NUP62: variants seen among roughly 807,000 people sequenced by gnomAD.
The protein encoded by NUP62 is nucleoporin 62, also known as nuclear pore glycoprotein p62.
For missense variants in NUP62, 647 were observed against 689.4 expected (o/e 0.94, Z 0.69); for synonymous variants, 305 against 303.4 (o/e 1.01, Z -0.05).
At chr19:49,926,523 C>CTG (rs1568725531) in intron 2 of NUP62, among the ~76,000 whole-genome samples, 1 of 145,910 alleles carries the variant, frequency 6.9e-6, no homozygotes, top group African/African-American at 2.5e-5. Context: ...CAGCAAGACT[C>CTG]TGTCTCAAAA....
At chr19:49,915,877 G>T (rs749665815) in intron 2 of NUP62, among the ~76,000 whole-genome samples, 1 of 152,232 alleles carries the variant, frequency 6.6e-6, no homozygotes, top group Non-Finnish European at 1.5e-5. Flanking sequence ...ATGATGGGAG[G>T]GAAGGACAAG....
At chr19:49,919,053 T>C (rs2075699856) in intron 2 of NUP62, among the ~76,000 whole-genome samples, 1 of 152,104 alleles carries the variant, frequency 6.6e-6, no homozygotes, top group Non-Finnish European at 1.5e-5. Context: ...CTCGGGAGGC[T>C]GAGGCAGGAG....
Position 49,908,165 on chromosome 19 carries a change from C to A in NUP62, c.*74G>T. Reference sequence around the variant, plus strand: ...AACAAACAAGTATCTTGCCACAACCCCAAACTACAGACAACAGGGCGCATT... The same window carrying A: ...AACAAACAAGTATCTTGCCACAACCACAAACTACAGACAACAGGGCGCATT... On this transcript the variant is annotated 3_prime_UTR_variant, in exon 3 of 3. Transcript: ENST00000352066. The A allele has an allele frequency of 1.3e-6, 2 of 1,572,464 alleles. No individual in the cohort carries two copies.
chr19:49,912,283 C>T (rs1053582199), intron 2 of NUP62, among the ~76,000 whole-genome samples: 11 of 151,722 alleles, frequency 7.3e-5, no homozygotes, highest in African/African-American at 2.4e-4. Context: ...GATTCTCTCG[C>T]CTCAGCTTCC....
intron 2 of NUP62, among the ~76,000 whole-genome samples, chr19:49,912,730 G>A (rs993286794): frequency 3.9e-5 from 6 of 151,996 alleles, no homozygotes; most frequent in African/African-American, 1.2e-4. Context: ...GTTGGCCGTG[G>A]TGGCAGGCGC....
intron 2 of NUP62, among the ~76,000 whole-genome samples, chr19:49,916,736 C>T (rs2075634179): frequency 1.3e-5 from 2 of 151,716 alleles, no homozygotes; most frequent in Admixed American, 1.3e-4. Context: ...TGCACTCCAG[C>T]CTGGGAGACA....
chr19:49,916,918 C>G (rs2075639509), intron 2 of NUP62, among the ~76,000 whole-genome samples: 1 of 152,212 alleles, frequency 6.6e-6, no homozygotes, highest in South Asian at 2.1e-4. Flanking sequence ...GAGACCCCGT[C>G]TCAAACAAAT....
chr19:49,909,923 G>T, intron 2 of NUP62, 39 bp from the exon 3 acceptor site: 1 of 1,119,778 alleles, frequency 8.9e-7, no homozygotes, highest in Non-Finnish European at 1.3e-6. Context: ...TGGCAGTTTT[G>T]GAAAGGCAAG....
chr19:49,926,208 C>CA (rs33981121), intron 2 of NUP62, among the ~76,000 whole-genome samples: 8,976 of 42,282 alleles, frequency 0.21, 1,515 homozygotes, highest in East Asian at 0.5. Flanking sequence ...GACTCTGTCT[C>CA]AAAAAAAAAA....
intron 2 of NUP62, chr19:49,913,172 AG>A (rs1259212280): frequency 6.6e-6 from 1 of 152,450 alleles, no homozygotes; most frequent in Admixed American, 6.5e-5. Context: ...GTGTGAAGAC[AG>A]GGAGGCCCAC....
rs190270806 is a variant in NUP62 at position 49,924,068 on chromosome 19, G to A, written c.-78+3626C>T. Among the ~76,000 whole-genome samples, 4 of 152,306 alleles carry A rather than the reference G, an allele frequency of 2.6e-5. No homozygotes were observed. In the East Asian group the frequency reaches 7.7e-4, roughly 29 times the overall value. ...CACGGTGCAGGTGCAGGCAGGAATC[G>A]ATAGCGTCTGGCAACTGTGAGCAGC... is the stretch of plus-strand genomic sequence containing the variant. On this transcript the variant is annotated intron_variant, in intron 2 of 2. Coordinates refer to ENST00000352066, the MANE Select transcript of NUP62 (RefSeq NM_016553.5).
At chr19:49,915,616 C>T (rs1166446201) in intron 2 of NUP62, among the ~76,000 whole-genome samples, 3 of 152,106 alleles carry the variant, frequency 2.0e-5, no homozygotes, top group Non-Finnish European at 4.4e-5. Flanking sequence ...GGTTGAGGGA[C>T]GATGGAGAAA....
At chr19:49,920,324 G>A (rs1401382019) in intron 2 of NUP62, among the ~76,000 whole-genome samples, 2 of 152,092 alleles carry the variant, frequency 1.3e-5, no homozygotes, top group Non-Finnish European at 2.9e-5. Context: ...CTTGAGATCC[G>A]CCCACCTCGG....
intron 2 of NUP62, among the ~76,000 whole-genome samples, chr19:49,914,232 C>A (rs141948656): frequency 1.3e-5 from 2 of 152,164 alleles, no homozygotes; most frequent in African/African-American, 4.8e-5. Context: ...GCTCTGATCC[C>A]GGAATTACCA....
intron 2 of NUP62, among the ~76,000 whole-genome samples, chr19:49,913,532 G>A (rs968183845): frequency 7.9e-5 from 12 of 152,174 alleles, no homozygotes; most frequent in African/African-American, 2.9e-4. Flanking sequence ...CACAACCCGG[G>A]CCGCCACTGC....
chr19:49,907,121 C>A lies in NUP62; in HGVS notation c.*1118G>T, dbSNP rs563598151. On this transcript the variant is annotated 3_prime_UTR_variant, in exon 3 of 3. Coordinates refer to ENST00000352066, the MANE Select transcript of NUP62 (RefSeq NM_016553.5). ...TGACAGGGACCGGGCTGGGGACACA[C>A]GGGGAACGACAGTGGGTCTCTGCCC... 2 of 160,088 alleles carry A rather than the reference C, an allele frequency of 1.2e-5. No individual in the cohort carries two copies. Among genetic ancestry groups the A allele is most frequent in the Non-Finnish European group, 2.8e-5 (2 of 72,220 alleles). The allele number at this position is 160,088 out of a possible 1,614,324, so 9.9% of individuals were successfully genotyped here. A position where few individuals can be genotyped will look rare whatever the true frequency, so the allele number is the denominator to read the frequency against.
At chr19:49,914,236 A>G (rs571418545) in intron 2 of NUP62, among the ~76,000 whole-genome samples, 1 of 152,358 alleles carries the variant, frequency 6.6e-6, no homozygotes. Context: ...TGATCCCGGA[A>G]TTACCACATT....
intron 2 of NUP62, among the ~76,000 whole-genome samples, chr19:49,913,735 G>C (rs1482374090): frequency 6.6e-6 from 1 of 152,166 alleles, no homozygotes; most frequent in African/African-American, 2.4e-5. Context: ...AGAAAGCTTT[G>C]CTGAGCTCTG....
chr19:49,926,509 G>A (rs912504155), intron 2 of NUP62, among the ~76,000 whole-genome samples: 4 of 150,998 alleles, frequency 2.6e-5, no homozygotes, highest in African/African-American at 7.3e-5. Flanking sequence ...CAGCCTGGGC[G>A]ACACAGCAAG....
Sources: gnomAD v4.1 joint callset for allele counts (sites outside exome capture counted in the v4.1 genomes callset) on GRCh38, gnomAD v4.1.1 for gene constraint, MANE v1.5 for transcripts, NCBI Gene and HGNC (gene_info 2026-07-23, HGNC 2026-07-21) for gene names.